Variants in PHLPP1 observed in about 807,000 individuals in gnomAD.
The protein encoded by PHLPP1 is PH domain leucine-rich repeat-containing protein phosphatase 1.
A neutral mutation model predicts 117.2 loss-of-function variants in PHLPP1; 42 were observed. That is an observed-to-expected ratio of 0.36 (90% CI 0.28 to 0.46). The LOEUF (loss-of-function observed/expected upper bound fraction) is 0.46. Ranked by LOEUF, PHLPP1 falls within the 20% of genes least tolerant of loss-of-function variation. PHLPP1 has a pLI of 1.00. For missense variants in PHLPP1, 2,084 were observed against 2,241.9 expected, an observed-to-expected ratio of 0.93 and a Z score of 1.42; for synonymous variants, 1,042 against 970.7, an observed-to-expected ratio of 1.07 and a Z score of -1.37.
chr18:62,819,820 A>G (rs1002466670), intron 1 of PHLPP1, among the ~76,000 whole-genome samples: 18 of 152,148 alleles, frequency 1.2e-4, no homozygotes, highest in Admixed American at 9.8e-4. Context: ...AAATTTCTGT[A>G]TTTTTAGTAG....
intron 1 of PHLPP1, among the ~76,000 whole-genome samples, chr18:62,782,117 GGGGTTTGTCTTTGTT>G (rs1341736496): frequency 2.6e-5 from 4 of 152,172 alleles, no homozygotes; most frequent in Non-Finnish European, 4.4e-5. Context: ...AGATGCCAAA[GGGGTTTGTCTTTGTT>G]ACATATTTAC....
intron 4 of PHLPP1, among the ~76,000 whole-genome samples, chr18:62,872,262 A>T (rs1915923267): frequency 6.6e-6 from 1 of 152,222 alleles, no homozygotes; most frequent in Admixed American, 6.5e-5. Context: ...CCAAAGGAAG[A>T]TGAGTTATTT....
At chr18:62,925,298 A>G (rs1369697647) in intron 10 of PHLPP1, among the ~76,000 whole-genome samples, 1 of 152,194 alleles carries the variant, frequency 6.6e-6, no homozygotes, top group Admixed American at 6.5e-5. Flanking sequence ...AGCCTAATTA[A>G]CAAAGCCGAA....
At chr18:62,826,904 G>T (rs931408121) in intron 1 of PHLPP1, among the ~76,000 whole-genome samples, 3 of 152,080 alleles carry the variant, frequency 2.0e-5, no homozygotes, top group Non-Finnish European at 2.9e-5. Flanking sequence ...GGAGGCTGAG[G>T]CAGAAGAATC....
intron 1 of PHLPP1, among the ~76,000 whole-genome samples, chr18:62,741,394 G>C (rs1187949266): frequency 1.3e-5 from 2 of 152,150 alleles, no homozygotes; most frequent in African/African-American, 4.8e-5. Context: ...AGTCAATTCA[G>C]ATGTGGAGTG....
intron 1 of PHLPP1, among the ~76,000 whole-genome samples, chr18:62,728,461 A>G (rs1359114896): frequency 6.7e-6 from 1 of 149,954 alleles, no homozygotes; most frequent in Non-Finnish European, 1.5e-5. Flanking sequence ...TCTGGGGGCT[A>G]CCCCTTAAAG....
At position 62,965,168 on chromosome 18, in the gene PHLPP1, C is replaced by G. The variant is rs532493051; in HGVS notation, c.3560+1696C>G. Among the ~76,000 whole-genome samples the G allele has an allele frequency of 2.6e-5, 4 of 152,312 alleles. No homozygotes were observed. In the South Asian group the frequency reaches 8.3e-4, roughly 32 times the overall value. On this transcript the variant is annotated intron_variant, in intron 14 of 16. Transcript: ENST00000262719. ...TATATTTTCCCTTGCTTTTCTTACC[C>G]TTTGGTTTTGCCAATAAAAGTTTCT...
At chr18:62,900,439 T>C (rs1418820468) in intron 6 of PHLPP1, among the ~76,000 whole-genome samples, 1 of 107,402 alleles carries the variant, frequency 9.3e-6, no homozygotes, top group Non-Finnish European at 2.1e-5. Flanking sequence ...CTTTCTTTTT[T>C]TTTTTTTTTT....
intron 8 of PHLPP1, among the ~76,000 whole-genome samples, chr18:62,913,736 TC>T (rs59855700): frequency 0.1 from 11,026 of 107,448 alleles, 447 homozygotes; most frequent in African/African-American, 0.14. Flanking sequence ...GTTCTCTCTC[TC>T]TCTTTTTTTT....
chr18:62,836,383 G>T (rs1914896646), intron 2 of PHLPP1, among the ~76,000 whole-genome samples: 2 of 151,372 alleles, frequency 1.3e-5, no homozygotes, highest in Non-Finnish European at 2.9e-5. Flanking sequence ...AGTGAGCTGA[G>T]ATCGTGCCAC....
intron 14 of PHLPP1, among the ~76,000 whole-genome samples, chr18:62,968,529 CTTTTTTTTTTTTT>C (rs34849907): frequency 4.2e-4 from 22 of 51,778 alleles, no homozygotes; most frequent in Non-Finnish European, 6.8e-4. Flanking sequence ...CATTATTAGG[CTTTTTTTTTTTTT>C]TTTTTTTTTT....
intron 1 of PHLPP1, among the ~76,000 whole-genome samples, chr18:62,808,944 TTTAC>T (rs1450561972): frequency 1.3e-5 from 2 of 152,164 alleles, no homozygotes; most frequent in Non-Finnish European, 2.9e-5. Context: ...TGGTTATTAT[TTTAC>T]TAGACTTTAA....
In PHLPP1 at chr18:62,824,399, A is replaced by C. The variant is rs371833806; in HGVS notation, c.1577-5636A>C. Among the ~76,000 whole-genome samples the C allele has an allele frequency of 2.2e-4, 34 of 152,324 alleles. 1 individual carries two copies. In the South Asian group the frequency reaches 6.8e-3, roughly 31 times the overall value. ...ATACAATGTAATACTACTCAGCAAC[A>C]AAAAATAATGAACTCTTGCAACAAC... On this transcript the variant is annotated intron_variant, in intron 1 of 16. Transcript: ENST00000262719.
intron 1 of PHLPP1, among the ~76,000 whole-genome samples, chr18:62,818,442 T>C (rs1213908867): frequency 1.3e-5 from 2 of 152,010 alleles, no homozygotes; most frequent in Non-Finnish European, 1.5e-5. Flanking sequence ...CAGGGAGAAT[T>C]GCTTGAACCA....
chr18:62,895,715 G>A (rs1002006750), intron 5 of PHLPP1, 66 bp from the exon 6 acceptor site: 3 of 1,007,912 alleles, frequency 3.0e-6, no homozygotes, highest in Admixed American at 3.6e-5. Context: ...TATGGAACTT[G>A]TATGTTGATA....
At chr18:62,760,982 C>A (rs907078504) in intron 1 of PHLPP1, among the ~76,000 whole-genome samples, 6 of 152,110 alleles carry the variant, frequency 3.9e-5, no homozygotes, top group Admixed American at 3.9e-4. Flanking sequence ...GCCTCAGCCT[C>A]CCAAGTAGCT....
At chr18:62,940,354 C>CTTTTTTTTTTTTTTTTTTTTTTTTT (rs66530466) in intron 10 of PHLPP1, among the ~76,000 whole-genome samples, 7 of 46,802 alleles carry the variant, frequency 1.5e-4, no homozygotes, top group African/African-American at 1.9e-4. Flanking sequence ...TCTTTCTTTT[C>CTTTTTTTTTTTTTTTTTTTTTTTTT]TTTTTTTTTT....
intron 1 of PHLPP1, among the ~76,000 whole-genome samples, chr18:62,787,793 G>A (rs1437901272): frequency 1.3e-5 from 2 of 152,154 alleles, no homozygotes; most frequent in Non-Finnish European, 2.9e-5. Flanking sequence ...GTGCAGCGGG[G>A]GTGGGGGATA....
Position 62,903,242 on chromosome 18 carries a change from A to G in PHLPP1, c.2647+76A>G, listed in dbSNP as rs758518030. The G allele has an allele frequency of 1.4e-5, 14 of 1,010,976 alleles. No homozygotes were observed. The South Asian group carries it at 1.9e-4, about 13-fold the overall frequency. The allele number at this position is 1,010,976 out of a possible 1,614,324, so 62.6% of individuals were successfully genotyped here. A position where few individuals can be genotyped will look rare whatever the true frequency, so the allele number is the denominator to read the frequency against. ...CCCAGCATCATTATTTCTGCTTCTGATTATTCTTTGCTCAAGTAGTTAGTA... is the reference window on the plus strand; with the variant it reads ...CCCAGCATCATTATTTCTGCTTCTGGTTATTCTTTGCTCAAGTAGTTAGTA... On this transcript the variant is annotated intron_variant, in intron 7 of 16. Coordinates refer to ENST00000262719, the MANE Select transcript of PHLPP1 (RefSeq NM_194449.4).
Sources: allele counts gnomAD v4.1 joint callset (sites outside exome capture counted in the v4.1 genomes callset), GRCh38; gene constraint gnomAD v4.1.1; transcripts MANE v1.5; gene names NCBI Gene and HGNC (gene_info 2026-07-23, HGNC 2026-07-21).